PLCG2: variants seen among roughly 807,000 people sequenced by gnomAD.
The protein encoded by PLCG2 is 1-phosphatidylinositol 4,5-bisphosphate phosphodiesterase gamma-2.
A neutral mutation model predicts 175.6 loss-of-function variants in PLCG2; 69 were observed. The ratio of observed to expected loss-of-function variants is 0.39; its 90% CI spans 0.32 to 0.48. The LOEUF is 0.48. Among genes scored for constraint, PLCG2 ranks in the 20% least tolerant of loss-of-function variants. The pLI, the probability that PLCG2 is intolerant of heterozygous loss-of-function variation, is 0.91. For synonymous variants in PLCG2, 827 were observed against 624.0 expected (o/e 1.33, Z -4.85); for missense variants, 1,798 against 1,650.9 (o/e 1.09, Z -1.54).
At position 81,785,953 on chromosome 16, in the gene PLCG2, T is replaced by C. The variant is rs762659564; in HGVS notation, c.-37T>C. On this transcript the variant is annotated 5_prime_UTR_variant, in exon 2 of 33. Coordinates refer to ENST00000564138, the MANE Select transcript of PLCG2 (RefSeq NM_002661.5). Reference sequence around the variant, plus strand: ...ATTCTGCCCTTTCAGCTTCCTGATTTCTCCCGATTCCTTCCTTCTCCCTGG... The same window carrying C: ...ATTCTGCCCTTTCAGCTTCCTGATTCCTCCCGATTCCTTCCTTCTCCCTGG... 6.3e-7 allele frequency: 1 copy of C among 1,586,768 alleles called. No homozygotes were observed. Among genetic ancestry groups the C allele is most frequent in the South Asian group, 1.1e-5 (1 of 89,366 alleles).
chr16:81,869,116 C>T (rs910123113), intron 5 of PLCG2, 98 bp from the exon 6 acceptor site: 35 of 836,280 alleles, frequency 4.2e-5, no homozygotes, highest in Non-Finnish European at 6.4e-5. Flanking sequence ...CAGGCTCTCT[C>T]ATAGAGGGCT....
chr16:81,845,138 C>T (rs967262469), intron 2 of PLCG2, among the ~76,000 whole-genome samples: 2 of 151,956 alleles, frequency 1.3e-5, no homozygotes, highest in Admixed American at 6.6e-5. Context: ...TGGGGTATTG[C>T]TTTGTTGCCC....
chr16:81,765,079 T>C (rs1910118292), intron 2 of PLCG2, among the ~76,000 whole-genome samples: 1 of 151,712 alleles, frequency 6.6e-6, no homozygotes, highest in East Asian at 1.9e-4. Flanking sequence ...CAGAGTGAGA[T>C]GAGACACTGT....
At chr16:81,842,253 C>A (rs1905873953) in intron 2 of PLCG2, among the ~76,000 whole-genome samples, 1 of 152,202 alleles carries the variant, frequency 6.6e-6, no homozygotes, top group South Asian at 2.1e-4. Flanking sequence ...AGCCAGGATG[C>A]ATGTGCTCAG....
chr16:81,848,765 G>A (rs1240238560), intron 2 of PLCG2, among the ~76,000 whole-genome samples: 4 of 152,172 alleles, frequency 2.6e-5, no homozygotes, highest in African/African-American at 9.7e-5. Flanking sequence ...GTGAAGAAGG[G>A]TGTACAATCC....
chr16:81,910,418 A>C (rs1909568108), intron 17 of PLCG2, 102 bp from the exon 18 acceptor site: 1 of 985,340 alleles, frequency 1.0e-6, no homozygotes, highest in South Asian at 1.4e-5. Context: ...GAGCAGAGGG[A>C]AGGTTGTGTG....
intron 6 of PLCG2, among the ~76,000 whole-genome samples, chr16:81,869,827 C>T (rs1032323138): frequency 6.6e-6 from 1 of 152,136 alleles, no homozygotes; most frequent in Non-Finnish European, 1.5e-5. Context: ...AGTAAAGCCA[C>T]TCCATGAGTG....
At chr16:81,789,146 A>G (rs1911113085) in intron 2 of PLCG2, among the ~76,000 whole-genome samples, 1 of 152,248 alleles carries the variant, frequency 6.6e-6, no homozygotes, top group African/African-American at 2.4e-5. Context: ...ATAAATATAT[A>G]CAAAAAAGAA....
intron 31 of PLCG2, among the ~76,000 whole-genome samples, chr16:81,953,477 A>AT (rs1237124346): frequency 3.9e-5 from 6 of 152,052 alleles, no homozygotes; most frequent in African/African-American, 1.4e-4. Context: ...GAAAAACTTT[A>AT]TTTTTTTGTG....
At chr16:81,931,713 A>C in intron 25 of PLCG2, 59 bp downstream of exon 25, 1 of 1,518,130 alleles carries the variant, frequency 6.6e-7, no homozygotes, top group South Asian at 1.2e-5. Flanking sequence ...TTTGGTGCTC[A>C]GTTGGGACTG....
chr16:81,909,291 G>C (rs72824907), intron 17 of PLCG2, among the ~76,000 whole-genome samples: 7,005 of 152,260 alleles, frequency 0.046, 162 homozygotes, highest in Non-Finnish European at 0.047. Context: ...TTTATTGGGG[G>C]GGTTTAATGT....
intron 2 of PLCG2, among the ~76,000 whole-genome samples, chr16:81,805,579 C>T (rs924970395): frequency 3.3e-5 from 5 of 151,004 alleles, no homozygotes; most frequent in Non-Finnish European, 7.4e-5. Flanking sequence ...AGAAAACAAC[C>T]CAATTAAAAA....
In PLCG2 at chr16:81,959,855, T is replaced by A. The variant is rs1387442730; in HGVS notation, c.*1857T>A. 5.4e-6 allele frequency: 1 copy of A among 186,850 alleles called. No individual in the cohort carries two copies. The highest frequency in any genetic ancestry group is 2.3e-5 in the African/African-American group (1 of 42,718). The allele number at this position is 186,850 out of a possible 1,614,324, so 11.6% of individuals were successfully genotyped here. A position where few individuals can be genotyped will look rare whatever the true frequency, so the allele number is the denominator to read the frequency against. Reference sequence around the variant, plus strand: ...GGACTTCCACACAGCAGAGCTCAGGTGTTGCTGTCATTACCTCCTTTCAGC... The same window carrying A: ...GGACTTCCACACAGCAGAGCTCAGGAGTTGCTGTCATTACCTCCTTTCAGC... On this transcript the variant is annotated 3_prime_UTR_variant, in exon 33 of 33. Transcript: ENST00000564138.
chr16:81,907,685 A>C lies in PLCG2; in HGVS notation c.1468A>C (p.Lys490Gln), dbSNP rs1436215043. 1 of 1,612,388 alleles carries C rather than the reference A, an allele frequency of 6.2e-7. No individual in the cohort carries two copies. The highest frequency in any genetic ancestry group is 1.3e-5 in the African/African-American group (1 of 74,906). ...ELYMWDSIDQ[K>Q]WTRHYCAIAD... ...CACTAATACCAGTTTCACTTTCTAG[A>C]AATGGACTCGGCACTACTGCGCCAT... The change falls in exon 16 of 33, where the codon AAA (lysine) becomes CAA (glutamine). Residue 490 changes from lysine to glutamine, a missense_variant and splice_region_variant. Transcript: ENST00000564138.
chr16:81,748,260 C>T (rs1040711087), intron 1 of PLCG2, among the ~76,000 whole-genome samples: 2 of 152,156 alleles, frequency 1.3e-5, no homozygotes, highest in Non-Finnish European at 2.9e-5. Flanking sequence ...CTTGGTGGCA[C>T]ATGCGTATAA....
intron 2 of PLCG2, among the ~76,000 whole-genome samples, chr16:81,851,363 A>G (rs1906399690): frequency 1.3e-5 from 2 of 152,134 alleles, no homozygotes; most frequent in Admixed American, 6.6e-5. Flanking sequence ...CATTTTTTAC[A>G]TACACTCCGT....
At chr16:81,889,365 A>C (rs914690508) in intron 10 of PLCG2, 92 bp downstream of exon 10, 1 of 740,410 alleles carries the variant, frequency 1.4e-6, no homozygotes, top group African/African-American at 1.8e-5. Flanking sequence ...CTTTCCTTGG[A>C]GAACTTTGCT....
Position 81,958,094 on chromosome 16 carries a change from C to G in PLCG2, c.*96C>G. On this transcript the variant is annotated 3_prime_UTR_variant, in exon 33 of 33. Coordinates refer to ENST00000564138, the MANE Select transcript of PLCG2 (RefSeq NM_002661.5). ...ATTCACACTCTGGGAAGACGCTAAT[C>G]TGTGACATCTTTTCTTCAAGCCTGC... 3.5e-6 allele frequency: 3 copies of G among 846,732 alleles called. No individual in the cohort carries two copies. Among genetic ancestry groups the G allele is most frequent in the Non-Finnish European group, 6.1e-6 (3 of 494,808 alleles). 52.5% of individuals were successfully genotyped at this position (846,732 alleles called of 1,614,324 possible).
At chr16:81,814,966 A>T (rs1904478420) in intron 2 of PLCG2, among the ~76,000 whole-genome samples, 1 of 152,168 alleles carries the variant, frequency 6.6e-6, no homozygotes, top group Non-Finnish European at 1.5e-5. Flanking sequence ...GCTGCTGGAG[A>T]TGGTGGCGAT....
Sources: allele counts gnomAD v4.1 joint callset (sites outside exome capture counted in the v4.1 genomes callset), GRCh38; gene constraint gnomAD v4.1.1; transcripts MANE v1.5; gene names NCBI Gene and HGNC (gene_info 2026-07-23, HGNC 2026-07-21).